The following ZNF609 variants were observed in gnomAD, a reference collection of about 807,000 sequenced individuals.
ZNF609 encodes zinc finger protein 609.
ZNF609 carries 11 observed loss-of-function variants against 109.5 expected under a neutral mutation model. The observed-to-expected ratio is 0.10, with a 90% confidence interval of 0.06 to 0.17. The LOEUF is 0.17. Among genes scored for constraint, ZNF609 ranks in the 10% least tolerant of loss-of-function variants. The pLI, the probability that ZNF609 is intolerant of heterozygous loss-of-function variation, is 1.00. For missense variants in ZNF609, 1,559 were observed against 1,772.4 expected (o/e 0.88, Z 2.16); for synonymous variants, 646 against 662.0 (o/e 0.98, Z 0.37).
At chr15:64,652,354 C>T (rs1014579000) in intron 3 of ZNF609, among the ~76,000 whole-genome samples, 7 of 148,732 alleles carry the variant, frequency 4.7e-5, no homozygotes, top group South Asian at 2.1e-4. Flanking sequence ...TATTTTTAGC[C>T]GGGACTACAG....
Position 64,675,461 on chromosome 15 carries a change from G to T in ZNF609, c.2607G>T (p.Gln869His). The change falls in exon 5 of 10, where the codon CAG becomes CAT. Residue 869 changes from glutamine (Q) to histidine (H), a missense_variant. This residue lies in a region of ZNF609 where 1,204 missense variants were observed against 1,314.1 expected (regional missense o/e 0.92). Coordinates refer to ENST00000326648, the MANE Select transcript of ZNF609 (RefSeq NM_015042.2). ...VDSVKSKDAE[Q>H]LVKEGAKKTL... ...GTGTCAAATCAAAGGACGCCGAACA[G>T]TTGGTTAAAGAAGGGGCTAAGAAAA... 1 of 1,614,180 alleles carries T rather than the reference G, an allele frequency of 6.2e-7. No homozygotes were observed. Among genetic ancestry groups the T allele is most frequent in the Non-Finnish European group, 8.5e-7 (1 of 1,180,040 alleles).
At chr15:64,551,530 T>TA (rs1894473601) in intron 2 of ZNF609, among the ~76,000 whole-genome samples, 1 of 151,766 alleles carries the variant, frequency 6.6e-6, no homozygotes, top group African/African-American at 2.4e-5. Flanking sequence ...TGCATGCCTG[T>TA]AATCCCAGCT....
intron 2 of ZNF609, among the ~76,000 whole-genome samples, chr15:64,599,725 GCTT>G (rs1351962508): frequency 6.6e-6 from 1 of 151,930 alleles, no homozygotes; most frequent in Non-Finnish European, 1.5e-5. Context: ...TTCCTCAGTG[GCTT>G]CTTAATACCT....
chr15:64,483,638 G>A (rs1402563364), intron 1 of ZNF609, among the ~76,000 whole-genome samples: 1 of 150,724 alleles, frequency 6.6e-6, no homozygotes, highest in Non-Finnish European at 1.5e-5. Context: ...CTCCCACCTT[G>A]GCCTCCCAAA....
chr15:64,648,250 G>A (rs529141033), intron 3 of ZNF609, among the ~76,000 whole-genome samples: 1 of 152,172 alleles, frequency 6.6e-6, no homozygotes, highest in African/African-American at 2.4e-5. Context: ...ACTTTGGGAG[G>A]CCAGACAGGA....
At chr15:64,670,539 T>C in intron 4 of ZNF609, 106 bp downstream of exon 4, 1 of 947,590 alleles carries the variant, frequency 1.1e-6, no homozygotes, top group East Asian at 2.5e-5. Flanking sequence ...TTAAAGGACA[T>C]GATGGTATAG....
chr15:64,585,790 CAGA>C (rs1246535065), intron 2 of ZNF609, among the ~76,000 whole-genome samples: 2 of 152,154 alleles, frequency 1.3e-5, no homozygotes, highest in East Asian at 1.9e-4. Flanking sequence ...CAGTGACTCA[CAGA>C]AGGAGACTGA....
At chr15:64,584,278 C>T (rs1275900736) in intron 2 of ZNF609, among the ~76,000 whole-genome samples, 2 of 151,952 alleles carry the variant, frequency 1.3e-5, no homozygotes, top group African/African-American at 4.8e-5. Context: ...GGCAACATGG[C>T]GAAACCCAGT....
intron 2 of ZNF609, among the ~76,000 whole-genome samples, chr15:64,559,739 G>T (rs957742676): frequency 6.6e-6 from 1 of 152,094 alleles, no homozygotes; most frequent in African/African-American, 2.4e-5. Context: ...CTGAGTGGTC[G>T]CTCAATAAGT....
chr15:64,488,722 A>C (rs1893366533), intron 1 of ZNF609, among the ~76,000 whole-genome samples: 1 of 152,124 alleles, frequency 6.6e-6, no homozygotes, highest in Non-Finnish European at 1.5e-5. Context: ...AATGAAGGCA[A>C]TTCCTTGTCT....
Position 64,535,602 on chromosome 15 carries a change from G to T in ZNF609, c.747+35436G>T, listed in dbSNP as rs77233065. Among the ~76,000 whole-genome samples the T allele has an allele frequency of 9.6e-3, 1,468 of 152,182 alleles. 28 individuals carry two copies. Among genetic ancestry groups the T allele is most frequent in the African/African-American group, 0.033 (1,361 of 41,530 alleles). ...TATGCACATTTATATACAGTTTTTTGTGTGTGTGTGAACATAAGTTTTCAT... is the reference window on the plus strand; with the variant it reads ...TATGCACATTTATATACAGTTTTTTTTGTGTGTGTGAACATAAGTTTTCAT... On this transcript the variant is annotated intron_variant, in intron 2 of 9. Coordinates refer to ENST00000326648, the MANE Select transcript of ZNF609 (RefSeq NM_015042.2).
intron 4 of ZNF609, among the ~76,000 whole-genome samples, chr15:64,670,879 C>CAAA (rs112565259): frequency 3.0e-4 from 15 of 50,752 alleles, no homozygotes; most frequent in African/African-American, 9.0e-4. Context: ...AACTCCATCT[C>CAAA]AAAAAAAAAA....
chr15:64,657,570 C>A (rs1328814441), intron 3 of ZNF609, among the ~76,000 whole-genome samples: 2 of 152,018 alleles, frequency 1.3e-5, no homozygotes, highest in Admixed American at 6.6e-5. Flanking sequence ...GCTGAGATCG[C>A]GCTACTGCAC....
chr15:64,582,780 CT>C lies in ZNF609; in HGVS notation c.748-40046del, dbSNP rs557077662. On this transcript the variant is annotated intron_variant, in intron 2 of 9. Coordinates refer to ENST00000326648, the MANE Select transcript of ZNF609 (RefSeq NM_015042.2). ...TTTTTTTTTTTTTTTGAGACAGAGTCTCGCTTTGTCACCCAGGATGGAGTGC... is the reference window on the plus strand; with the variant it reads ...TTTTTTTTTTTTTTTGAGACAGAGTCCGCTTTGTCACCCAGGATGGAGTGC... 3.0e-3 allele frequency among the ~76,000 whole-genome samples: 278 copies of C among 92,246 alleles called. 4 individuals carry two copies. Among genetic ancestry groups the C allele is most frequent in the African/African-American group, 0.011 (267 of 23,306 alleles). The allele number at this position is 92,246 out of a possible 152,430, so 60.5% of individuals were successfully genotyped here.
intron 2 of ZNF609, among the ~76,000 whole-genome samples, chr15:64,573,540 G>GA (rs1894898896): frequency 3.6e-5 from 5 of 139,998 alleles, no homozygotes; most frequent in African/African-American, 1.4e-4. Context: ...TTTTTTTTTT[G>GA]TATTTTTAGT....
Position 64,678,420 on chromosome 15 carries a change from C to T in ZNF609, c.3707C>T (p.Ser1236Phe), listed in dbSNP as rs1258244427. The change falls in exon 6 of 10, where the codon TCC becomes TTC. Residue 1236 changes from serine (S) to phenylalanine (F), a missense_variant. Around this residue, in one of 4 missense-constraint regions of ZNF609, gnomAD observed 1,204 missense variants for 1,314.1 expected, o/e 0.92. Coordinates refer to ENST00000326648, the MANE Select transcript of ZNF609 (RefSeq NM_015042.2). ...ATGCACGGCTATTCCTACAGTCAGT[C>T]CTACGACCCCAACCACCCCAGCTAC... is the stretch of plus-strand genomic sequence containing the variant. ...PYMHGYSYSQ[S>F]YDPNHPSYRS... The T allele has an allele frequency of 1.9e-6, 3 of 1,611,284 alleles. No homozygotes were observed. Among genetic ancestry groups the T allele is most frequent in the South Asian group, 1.1e-5 (1 of 90,658 alleles).
chr15:64,633,898 TA>T (rs993975815), intron 3 of ZNF609, among the ~76,000 whole-genome samples: 26 of 147,494 alleles, frequency 1.8e-4, no homozygotes, highest in South Asian at 4.3e-4. Flanking sequence ...AAAAAATTAT[TA>T]AAAAAAAAAA....
chr15:64,608,073 A>G (rs954542488), intron 2 of ZNF609, among the ~76,000 whole-genome samples: 14 of 148,250 alleles, frequency 9.4e-5, no homozygotes, highest in African/African-American at 3.5e-4. Context: ...TAATTTTTGT[A>G]TTTTTAGAAG....
chr15:64,625,952 G>T (rs868507537), intron 3 of ZNF609, among the ~76,000 whole-genome samples: 7,624 of 133,162 alleles, frequency 0.057, 264 homozygotes, highest in Non-Finnish European at 0.088. Context: ...GAGAGAGAGA[G>T]AGAGAGAGAG....
Sources: gnomAD v4.1 joint callset for allele counts (sites outside exome capture counted in the v4.1 genomes callset) on GRCh38, gnomAD v4.1.1 for gene constraint, gnomAD v4.1.1 regional missense constraint, MANE v1.5 for transcripts, NCBI Gene and HGNC (gene_info 2026-07-23, HGNC 2026-07-21) for gene names.